The following ZNF69 variants were observed in gnomAD, a reference collection of about 807,000 sequenced individuals.
ZNF69 encodes the protein zinc finger protein 69.
In ZNF69, 47 loss-of-function variants were observed where a neutral mutation model predicts 50.9. That is an observed-to-expected ratio of 0.92 (90% CI 0.73 to 1.18). The LOEUF is 1.18. Among genes scored for constraint, ZNF69 ranks in the 50% most tolerant of loss-of-function variants. The pLI, the probability that ZNF69 is intolerant of heterozygous loss-of-function variation, is 0.00. For synonymous variants in ZNF69, 216 were observed against 223.1 expected, an observed-to-expected ratio of 0.97 and a Z score of 0.29; for missense variants, 717 against 675.1, an observed-to-expected ratio of 1.06 and a Z score of -0.69.
At chr19:11,979,164 A>G in the ZNF69 span, 3 of 1,612,296 alleles carry the variant, frequency 1.9e-6, no homozygotes, top group Non-Finnish European at 2.5e-6. Flanking sequence ...GAAGACATGA[A>G]AAAACTCACA....
At chr19:11,924,513 C>T in the ZNF69 span, among the ~76,000 whole-genome samples, 1 of 151,722 alleles carries the variant, frequency 6.6e-6, no homozygotes, top group Admixed American at 6.6e-5. Context: ...TGTTTGGTGG[C>T]GTCACCTGGA....
chr19:11,909,450 C>T (rs999605557), downstream of ZNF69, among the ~76,000 whole-genome samples: 3 of 152,180 alleles, frequency 2.0e-5, no homozygotes, highest in Non-Finnish European at 2.9e-5. Flanking sequence ...TCCAGCAGCA[C>T]ATCAAAAAGC....
intron 1 of ZNF69, among the ~76,000 whole-genome samples, chr19:11,902,886 G>C (rs1437033320): frequency 6.6e-6 from 1 of 152,116 alleles, no homozygotes; most frequent in Admixed American, 6.5e-5. Context: ...ATTAGGGACA[G>C]CCCAGGCAAC....
the ZNF69 span, among the ~76,000 whole-genome samples, chr19:11,920,035 G>C: frequency 6.6e-6 from 1 of 151,784 alleles, no homozygotes; most frequent in African/African-American, 2.4e-5. Context: ...GAATAGGTGT[G>C]CTTCATAGGC....
chr19:11,897,953 C>T (rs1320742554), intron 1 of ZNF69, among the ~76,000 whole-genome samples: 1 of 151,434 alleles, frequency 6.6e-6, no homozygotes, highest in Non-Finnish European at 1.5e-5. Context: ...TTATATTTAG[C>T]AGACTGTTGC....
At chr19:11,922,673 G>T in the ZNF69 span, among the ~76,000 whole-genome samples, 151,167 of 152,280 alleles carry the variant, frequency 0.99, 75,029 homozygotes, top group Non-Finnish European at 1. Flanking sequence ...GAGGTCATCC[G>T]CCTGGTAAAT....
the ZNF69 span, among the ~76,000 whole-genome samples, chr19:11,930,689 TAGTTTCAC>T: frequency 6.7e-6 from 1 of 148,348 alleles, no homozygotes; most frequent in Non-Finnish European, 1.5e-5. Context: ...TGGTTTGTCA[TAGTTTCAC>T]ATTACCTTAA....
chr19:11,920,619 G>A, the ZNF69 span, among the ~76,000 whole-genome samples: 1 of 136,262 alleles, frequency 7.3e-6, no homozygotes, highest in African/African-American at 2.8e-5. Flanking sequence ...TGGGCGCGGT[G>A]GTTCACACCT....
At chr19:11,966,536 G>A in the ZNF69 span, among the ~76,000 whole-genome samples, 1 of 152,034 alleles carries the variant, frequency 6.6e-6, no homozygotes, top group East Asian at 1.9e-4. Flanking sequence ...ACCATGCCTG[G>A]CTAATTTTTG....
chr19:11,936,242 A>G, the ZNF69 span, among the ~76,000 whole-genome samples: 1 of 152,206 alleles, frequency 6.6e-6, no homozygotes, highest in Non-Finnish European at 1.5e-5. Context: ...TTCTAGTTCT[A>G]GATCCTTGAG....
At chr19:11,888,145 T>C (rs1312941950) in intron 1 of ZNF69, among the ~76,000 whole-genome samples, 159 bp downstream of exon 1, 1 of 152,206 alleles carries the variant, frequency 6.6e-6, no homozygotes, top group African/African-American at 2.4e-5. Context: ...GACTGCTCGG[T>C]GTGGCTGGGC....
At chr19:11,954,620 C>T in the ZNF69 span, among the ~76,000 whole-genome samples, 1 of 152,104 alleles carries the variant, frequency 6.6e-6, no homozygotes, top group Non-Finnish European at 1.5e-5. Flanking sequence ...CACTTGAGCC[C>T]AGGAGCTCAA....
At chr19:11,927,177 A>G in the ZNF69 span, among the ~76,000 whole-genome samples, 1 of 152,094 alleles carries the variant, frequency 6.6e-6, no homozygotes, top group East Asian at 1.9e-4. Flanking sequence ...ACATAGTGAA[A>G]CCCCATCTCT....
chr19:11,892,076 C>T (rs1440440678), intron 1 of ZNF69, among the ~76,000 whole-genome samples: 1 of 151,396 alleles, frequency 6.6e-6, no homozygotes, highest in South Asian at 2.1e-4. Flanking sequence ...CTCCCTGGCT[C>T]AAGCACCTCA....
the ZNF69 span, chr19:11,956,438 A>G: frequency 7.6e-6 from 3 of 396,074 alleles, no homozygotes; most frequent in Non-Finnish European, 8.9e-6. Flanking sequence ...CTTCCAGCCT[A>G]TAATAAACCG....
At chr19:11,956,876 T>G in the ZNF69 span, among the ~76,000 whole-genome samples, 1 of 152,082 alleles carries the variant, frequency 6.6e-6, no homozygotes, top group East Asian at 1.9e-4. Context: ...GCTCACCTGG[T>G]TCTTCCCATG....
At chr19:11,925,313 G>A in the ZNF69 span, 1 of 1,605,598 alleles carries the variant, frequency 6.2e-7, no homozygotes, top group African/African-American at 1.3e-5. Context: ...CGGGGGAGGG[G>A]CTGCCTGGAA....
chr19:11,931,013 A>C, the ZNF69 span, among the ~76,000 whole-genome samples: 1 of 147,290 alleles, frequency 6.8e-6, no homozygotes, highest in Non-Finnish European at 1.5e-5. Flanking sequence ...AAAAAAAAAA[A>C]CAACATAGAT....
chr19:11,923,865 C>CTGCA, the ZNF69 span, among the ~76,000 whole-genome samples: 1 of 152,306 alleles, frequency 6.6e-6, no homozygotes, highest in South Asian at 2.1e-4. Context: ...AGGACAGTCT[C>CTGCA]TGCAGCCTGC....
Sources: gnomAD v4.1 joint callset for allele counts (sites outside exome capture counted in the v4.1 genomes callset) on GRCh38, gnomAD v4.1.1 for gene constraint, MANE v1.5 for transcripts, NCBI Gene and HGNC (gene_info 2026-07-23, HGNC 2026-07-21) for gene names.